Variants in OSBPL1A observed in about 807,000 individuals in gnomAD.
The protein encoded by OSBPL1A is oxysterol-binding protein-related protein 1.
OSBPL1A carries 80 observed loss-of-function variants against 137.1 expected under a neutral mutation model. The ratio of observed to expected loss-of-function variants is 0.58; its 90% CI spans 0.49 to 0.70. The LOEUF is 0.70. OSBPL1A is among the 30% of genes least tolerant of loss of function. The pLI is 0.00. For missense variants in OSBPL1A, 970 were observed against 1,129.4 expected (o/e 0.86, Z 2.02); for synonymous variants, 365 against 389.7 (o/e 0.94, Z 0.75).
At chr18:24,324,957 G>A (rs137958048) in intron 7 of OSBPL1A, among the ~76,000 whole-genome samples, 2,000 of 150,852 alleles carry the variant, frequency 0.013, 42 homozygotes, top group African/African-American at 0.047. Flanking sequence ...ATGGTAGCGC[G>A]CACCTGTAAT....
chr18:24,179,640 T>C, intron 20 of OSBPL1A, 98 bp downstream of exon 20: 1 of 1,011,412 alleles, frequency 9.9e-7, no homozygotes, highest in South Asian at 1.4e-5. Context: ...GTTAACTTGC[T>C]CCAGTCCTAT....
At chr18:24,364,669 C>T (rs187355485) in intron 4 of OSBPL1A, 42 of 151,802 alleles carry the variant, frequency 2.8e-4, no homozygotes, top group African/African-American at 9.9e-4. Flanking sequence ...AGTCCAGATT[C>T]CACAGATTAA....
chr18:24,365,799 T>A (rs1305664863), intron 4 of OSBPL1A, among the ~76,000 whole-genome samples: 2 of 152,224 alleles, frequency 1.3e-5, no homozygotes, highest in South Asian at 2.1e-4. Context: ...ACTTACAATA[T>A]GTGATCAAAT....
chr18:24,173,654 C>A (rs1351255135), intron 21 of OSBPL1A, among the ~76,000 whole-genome samples: 2 of 152,234 alleles, frequency 1.3e-5, no homozygotes, highest in African/African-American at 2.4e-5. Flanking sequence ...CTCAGGTGAT[C>A]CACCCGCCTT....
At chr18:24,174,034 A>AATTTGTATAATT (rs2086362421) in intron 21 of OSBPL1A, among the ~76,000 whole-genome samples, 1 of 152,198 alleles carries the variant, frequency 6.6e-6, no homozygotes, top group Admixed American at 6.5e-5. Context: ...TGTATAATGC[A>AATTTGTATAATT]CCTGAAATTC....
chr18:24,359,567 G>A (rs1432632342), intron 4 of OSBPL1A, among the ~76,000 whole-genome samples: 2 of 151,872 alleles, frequency 1.3e-5, no homozygotes, highest in Non-Finnish European at 1.5e-5. Context: ...AGTGGCGCAC[G>A]CGTATAGTTC....
intron 14 of OSBPL1A, among the ~76,000 whole-genome samples, chr18:24,296,950 T>G (rs1428046678): frequency 6.6e-6 from 1 of 152,130 alleles, no homozygotes; most frequent in African/African-American, 2.4e-5. Context: ...GGGATATTGG[T>G]CTGTAGTTTT....
chr18:24,379,717 A>C (rs1906447388), intron 1 of OSBPL1A, among the ~76,000 whole-genome samples: 1 of 151,408 alleles, frequency 6.6e-6, no homozygotes, highest in South Asian at 2.1e-4. Flanking sequence ...TAAAAAAAAA[A>C]AATTTAGCCA....
At chr18:24,247,197 G>A (rs139879805) in intron 15 of OSBPL1A, among the ~76,000 whole-genome samples, 3 of 152,308 alleles carry the variant, frequency 2.0e-5, no homozygotes, top group Non-Finnish European at 2.9e-5. Context: ...GAGACAGAGA[G>A]AGGTAAACCA....
chr18:24,300,839 A>AC (rs1369198442), intron 14 of OSBPL1A, among the ~76,000 whole-genome samples: 1 of 152,142 alleles, frequency 6.6e-6, no homozygotes, highest in Admixed American at 6.6e-5. Flanking sequence ...CTCTCTCAAT[A>AC]CAGGGTCTGG....
chr18:24,197,707 T>A (rs755209014), intron 17 of OSBPL1A, among the ~76,000 whole-genome samples: 29 of 152,144 alleles, frequency 1.9e-4, no homozygotes, highest in Non-Finnish European at 4.1e-4. Context: ...TCCCTGCCAT[T>A]ATCTATGCTT....
intron 6 of OSBPL1A, 43 bp downstream of exon 6, chr18:24,334,201 GA>G: frequency 6.5e-7 from 1 of 1,529,348 alleles, no homozygotes; most frequent in South Asian, 1.2e-5. Flanking sequence ...GAAGTGTAAA[GA>G]AAGACTGCTT....
chr18:24,212,734 T>A (rs2145970059), intron 17 of OSBPL1A, among the ~76,000 whole-genome samples: 1 of 152,346 alleles, frequency 6.6e-6, no homozygotes, highest in East Asian at 1.9e-4. Context: ...TTGTGTACTA[T>A]TAATTAAAAC....
chr18:24,349,099 C>T (rs943774058), intron 4 of OSBPL1A, among the ~76,000 whole-genome samples: 1 of 151,718 alleles, frequency 6.6e-6, no homozygotes, highest in African/African-American at 2.4e-5. Flanking sequence ...CCCAGGAGGT[C>T]GAGGCTGCAA....
intron 5 of OSBPL1A, among the ~76,000 whole-genome samples, chr18:24,338,518 A>T (rs2091220135): frequency 6.6e-6 from 1 of 152,098 alleles, no homozygotes; most frequent in Non-Finnish European, 1.5e-5. Flanking sequence ...TATATATCGG[A>T]CCCAAAGATA....
At chr18:24,243,478 G>A (rs754306667) in intron 15 of OSBPL1A, among the ~76,000 whole-genome samples, 2 of 151,898 alleles carry the variant, frequency 1.3e-5, no homozygotes, top group East Asian at 1.9e-4. Flanking sequence ...CCTATTTAAC[G>A]AGTACATACA....
At chr18:24,196,939 G>C (rs768636926) in intron 17 of OSBPL1A, among the ~76,000 whole-genome samples, 32 of 152,208 alleles carry the variant, frequency 2.1e-4, no homozygotes, top group Non-Finnish European at 3.8e-4. Context: ...TCAGAGTCAG[G>C]CCTGGTGGGC....
intron 15 of OSBPL1A, among the ~76,000 whole-genome samples, chr18:24,278,816 A>G (rs556418985): frequency 1.3e-5 from 2 of 152,328 alleles, no homozygotes; most frequent in Non-Finnish European, 2.9e-5. Context: ...GATATTCTGA[A>G]TGCAATCATC....
At chr18:24,283,943 CA>C (rs2090015659) in intron 14 of OSBPL1A, among the ~76,000 whole-genome samples, 1 of 151,662 alleles carries the variant, frequency 6.6e-6, no homozygotes, top group Non-Finnish European at 1.5e-5. Context: ...AAAAATATTC[CA>C]AATATATATA....
Sources: gnomAD v4.1 joint callset for allele counts (sites outside exome capture counted in the v4.1 genomes callset) on GRCh38, gnomAD v4.1.1 for gene constraint, MANE v1.5 for transcripts, NCBI Gene and HGNC (gene_info 2026-07-23, HGNC 2026-07-21) for gene names.